Variants in ESYT2 observed in about 807,000 individuals in gnomAD.
ESYT2 encodes the protein extended synaptotagmin 2.
ESYT2 carries 54 observed loss-of-function variants against 107.2 expected under a neutral mutation model. That is an observed-to-expected ratio of 0.50 (90% confidence interval 0.40 to 0.63). The LOEUF (loss-of-function observed/expected upper bound fraction) is 0.63. Among genes scored for constraint, ESYT2 ranks in the 30% least tolerant of loss-of-function variants. The probability of loss-of-function intolerance (pLI) is 0.00; values close to 1 mark genes in which losing one functional copy is unlikely to be tolerated. For missense variants in ESYT2, 1,020 were observed against 1,094.5 expected (o/e 0.93, Z 0.96); for synonymous variants, 491 against 434.1 (o/e 1.13, Z -1.63).
chr7:158,752,349 A>C (rs1442485617), intron 14 of ESYT2, among the ~76,000 whole-genome samples: 1 of 152,200 alleles, frequency 6.6e-6, no homozygotes, highest in Non-Finnish European at 1.5e-5. Flanking sequence ...GAAGGTGTTG[A>C]CTCAGAGATG....
chr7:158,802,156 C>T (rs896351246), intron 1 of ESYT2, among the ~76,000 whole-genome samples: 7 of 152,176 alleles, frequency 4.6e-5, no homozygotes, highest in Non-Finnish European at 8.8e-5. Flanking sequence ...AAATTGACAG[C>T]TAACATTTAA....
intron 6 of ESYT2, among the ~76,000 whole-genome samples, chr7:158,780,328 G>GT (rs1364785526): frequency 6.6e-6 from 1 of 152,174 alleles, no homozygotes; most frequent in Admixed American, 6.5e-5. Context: ...GAGCAATTAA[G>GT]ATCTTTCTCG....
rs1840555602 is a variant in ESYT2, at chr7:158,829,188, G to A, written c.231C>T (p.Arg77=). The A allele has an allele frequency of 2.6e-6, 4 of 1,534,688 alleles. No homozygotes were observed. In the Admixed American group the frequency reaches 5.9e-5, roughly 23 times the overall value. Residue 77 remains arginine, a synonymous_variant, in exon 1 of 23, where the codon CGC becomes CGT. Transcript: ENST00000275418. The part of the protein sequence containing the change: ...LALLAWCRRS[R]GLKALRLCRA... The stretch of plus-strand genomic sequence containing the variant: ...GGCACAGGCGCAGGGCCTTGAGGCC[G>A]CGGCTGCGGCGACACCAGGCGAGCA...
In ESYT2 at chr7:158,807,943, C is replaced by T. The variant is rs1469022766; in HGVS notation, c.331-8871G>A. On this transcript the variant is annotated intron_variant, in intron 1 of 22. Coordinates refer to ENST00000275418, the MANE Select transcript of ESYT2 (RefSeq NM_001367773.1). ...GCCCGCTGAGAGGGATGCGCAAACC[C>T]GCAAAAGGATGGCGCCACGGGGTAG... 5.3e-5 allele frequency among the ~76,000 whole-genome samples: 8 copies of T among 152,178 alleles called. No homozygotes were observed. The East Asian group carries it at 1.5e-3, about 29-fold the overall frequency.
At chr7:158,812,760 A>G (rs2129474010) in intron 1 of ESYT2, among the ~76,000 whole-genome samples, 1 of 152,376 alleles carries the variant, frequency 6.6e-6, no homozygotes, top group South Asian at 2.1e-4. Context: ...TAAAGAGATG[A>G]TACACTGGTA....
Position 158,828,926 on chromosome 7 carries a change from G to A in ESYT2, c.330+163C>T, listed in dbSNP as rs1310371783. On this transcript the variant is annotated intron_variant, in intron 1 of 22. Coordinates refer to ENST00000275418, the MANE Select transcript of ESYT2 (RefSeq NM_001367773.1). The stretch of plus-strand genomic sequence containing the variant: ...TCGCCCAGGCGGAAGGGAAGCGCCT[G>A]CCTGGACCGGGGTGGGTGGGGGACT... Among the ~76,000 whole-genome samples the A allele has an allele frequency of 8.0e-5, 12 of 150,852 alleles. 1 individual carries two copies. The highest frequency in any genetic ancestry group is 6.3e-4 in the South Asian group (3 of 4,764).
At chr7:158,760,230 A>ATGC in intron 11 of ESYT2, 83 bp from the exon 12 acceptor site, 1 of 1,269,196 alleles carries the variant, frequency 7.9e-7, no homozygotes, top group Non-Finnish European at 1.1e-6. Context: ...CAAATGTTCC[A>ATGC]TGCTGCTCAC....
chr7:158,792,534 A>C (rs917211829), intron 4 of ESYT2, among the ~76,000 whole-genome samples: 2 of 139,460 alleles, frequency 1.4e-5, no homozygotes, highest in Admixed American at 7.0e-5. Flanking sequence ...TGTCAAAAAC[A>C]AAAAAAAAAC....
chr7:158,795,575 C>T (rs62480279), intron 3 of ESYT2, among the ~76,000 whole-genome samples: 2 of 116,130 alleles, frequency 1.7e-5, no homozygotes, highest in Admixed American at 7.5e-5. Context: ...GACAATGCAG[C>T]CCCTGCGGCC....
chr7:158,756,080 C>T (rs1276927293), intron 13 of ESYT2, among the ~76,000 whole-genome samples: 1 of 152,068 alleles, frequency 6.6e-6, no homozygotes, highest in African/African-American at 2.4e-5. Flanking sequence ...CCCTACGCTC[C>T]CCCTACTTTA....
chr7:158,755,140 C>G (rs1837710316), intron 13 of ESYT2, among the ~76,000 whole-genome samples: 1 of 152,158 alleles, frequency 6.6e-6, no homozygotes, highest in Non-Finnish European at 1.5e-5. Context: ...ATGGGGATCG[C>G]TGGTGGCAAT....
At position 158,734,167 on chromosome 7, in the gene ESYT2, G is replaced by A. The variant is rs372446531; in HGVS notation, c.*40C>T. On this transcript the variant is annotated 3_prime_UTR_variant, in exon 23 of 23. Transcript: ENST00000275418. ...GAGAGGGTGTGTTCCGGGTAGAGGTGGAGAGCTACGCTGAAGAGGACGCCT... is the reference window on the plus strand; with the variant it reads ...GAGAGGGTGTGTTCCGGGTAGAGGTAGAGAGCTACGCTGAAGAGGACGCCT... 6.2e-7 allele frequency: 1 copy of A among 1,611,844 alleles called. No homozygotes were observed. Among genetic ancestry groups the A allele is most frequent in the African/African-American group, 1.3e-5 (1 of 74,950 alleles).
chr7:158,767,790 CA>C lies in ESYT2; in HGVS notation c.804-17del. The stretch of plus-strand genomic sequence containing the variant: ...TGATAAACCACTGTTAGTTGGGAGA[CA>C]AAAAGAGCAAACGGACTATCAGACA... On this transcript the variant is annotated splice_polypyrimidine_tract_variant and intron_variant, in intron 7 of 22. Transcript: ENST00000275418. 1.2e-6 allele frequency: 2 copies of C among 1,600,306 alleles called. No homozygotes were observed. The highest frequency in any genetic ancestry group is 1.7e-6 in the Non-Finnish European group (2 of 1,172,308).
intron 1 of ESYT2, among the ~76,000 whole-genome samples, chr7:158,800,018 A>G (rs576394912): frequency 2.0e-5 from 3 of 151,848 alleles, no homozygotes; most frequent in East Asian, 3.9e-4. Context: ...ACATTTGCAT[A>G]TGCGTATGAT....
chr7:158,734,210 T>C lies in ESYT2; in HGVS notation c.2598A>G (p.Thr866=), dbSNP rs1265742892. The change falls in exon 23 of 23, where the codon ACA becomes ACG. Residue 866 remains threonine, a synonymous_variant. Transcript: ENST00000275418. The stretch of plus-strand genomic sequence containing the variant: ...GGACGCCTCCTGCCTGCTGCGGCTA[T>C]GTCATCGCCTGAGGCCTCGTCCCAT... ...TEDGTRPQAM[T] 14 of 1,614,014 alleles carry C rather than the reference T, an allele frequency of 8.7e-6. No homozygotes were observed. The highest frequency in any genetic ancestry group is 2.7e-5 in the African/African-American group (2 of 74,930).
chr7:158,822,438 A>C (rs184439630), intron 1 of ESYT2, among the ~76,000 whole-genome samples: 29 of 152,278 alleles, frequency 1.9e-4, no homozygotes, highest in African/African-American at 6.7e-4. Context: ...ATATTTGTTT[A>C]AGCCAATATA....
intron 22 of ESYT2, 79 bp downstream of exon 22, chr7:158,734,343 T>G (rs1328721393): frequency 3.1e-6 from 5 of 1,611,570 alleles, no homozygotes; most frequent in Non-Finnish European, 3.4e-6. Flanking sequence ...CCACTGTCTG[T>G]GGGGGACACT....
chr7:158,779,651 A>C (rs1008857430), intron 6 of ESYT2, among the ~76,000 whole-genome samples: 1 of 152,178 alleles, frequency 6.6e-6, no homozygotes, highest in Admixed American at 6.6e-5. Flanking sequence ...TTTTAAGGAC[A>C]GCTGTGCAGA....
intron 6 of ESYT2, among the ~76,000 whole-genome samples, chr7:158,784,701 G>T (rs528565039): frequency 6.6e-6 from 1 of 152,234 alleles, no homozygotes; most frequent in African/African-American, 2.4e-5. Flanking sequence ...AAATAAATTC[G>T]TCTCCTTTTT....
Sources: allele counts gnomAD v4.1 joint callset (sites outside exome capture counted in the v4.1 genomes callset), GRCh38; gene constraint gnomAD v4.1.1; transcripts MANE v1.5; gene names NCBI Gene and HGNC (gene_info 2026-07-23, HGNC 2026-07-21).